Variants in RBMXL1 observed in about 807,000 individuals in gnomAD.
RBMXL1 encodes the protein RNA binding motif protein, X-linked-like-1.
Under a neutral mutation model 29.0 loss-of-function variants are expected in RBMXL1, and 18 were observed. The ratio of observed to expected loss-of-function variants is 0.62; its 90% CI spans 0.43 to 0.92. The LOEUF (loss-of-function observed/expected upper bound fraction) is 0.92. Among genes scored for constraint, RBMXL1 ranks in the 40% least tolerant of loss-of-function variants. The pLI is 0.00. For synonymous variants in RBMXL1, 141 were observed against 170.4 expected (o/e 0.83, Z 1.34); for missense variants, 403 against 495.8 (o/e 0.81, Z 1.78).
Position 88,988,310 on chromosome 1 carries a change from C to T in RBMXL1, c.-299G>A. On this transcript the variant is annotated 5_prime_UTR_variant, in exon 2 of 3. Transcript: ENST00000652648. ...AGAAATTGTCTTCAGGAATTTTGCT[C>T]TACCGCTAAGAGAGCAGAGGCTCCT... 2 of 1,613,730 alleles carry T rather than the reference C, an allele frequency of 1.2e-6. No individual in the cohort carries two copies. The highest frequency in any genetic ancestry group is 2.2e-5 in the South Asian group (2 of 91,014).
chr1:88,982,036 A>C lies in RBMXL1; in HGVS notation c.*618T>G, dbSNP rs1677117152. 3 of 978,644 alleles carry C rather than the reference A, an allele frequency of 3.1e-6. No homozygotes were observed. Among genetic ancestry groups the C allele is most frequent in the Non-Finnish European group, 3.6e-6 (3 of 823,552 alleles). The allele number at this position is 978,644 out of a possible 1,614,324, so 60.6% of individuals were successfully genotyped here. On this transcript the variant is annotated 3_prime_UTR_variant, in exon 3 of 3. Coordinates refer to ENST00000652648, the MANE Select transcript of RBMXL1 (RefSeq NM_001162536.3). ...CACACTTAAATGGTCTTATTGTGGGAGGGGAAAGGGGAGGTTCTTGCAGAT... is the reference window on the plus strand; with the variant it reads ...CACACTTAAATGGTCTTATTGTGGGCGGGGAAAGGGGAGGTTCTTGCAGAT...
At position 88,983,543 on chromosome 1, in the gene RBMXL1, C is replaced by G. The variant is rs1457977645; in HGVS notation, c.284G>C (p.Gly95Ala). 5.6e-6 allele frequency: 9 copies of G among 1,614,090 alleles called. No individual in the cohort carries two copies. Residue 95 changes from glycine (G) to alanine (A), a missense_variant, in exon 3 of 3, where the codon GGA (glycine) becomes GCA (alanine). Coordinates refer to ENST00000652648, the MANE Select transcript of RBMXL1 (RefSeq NM_001162536.3). ...TCTACTTCTTGGAGGTGGGGGCGGT[C>G]CATGTCTACCTCTTTCAAATGATGG... is the stretch of plus-strand genomic sequence containing the variant. ...TKPSFERGRH[G>A]PPPPPRSRGP...
At chr1:88,988,138 A>T in intron 2 of RBMXL1, 114 bp downstream of exon 2, 1 of 659,288 alleles carries the variant, frequency 1.5e-6, no homozygotes, top group Non-Finnish European at 2.6e-6. Flanking sequence ...CAGCATATGT[A>T]ATAGAAATGT....
At chr1:88,988,407 T>C in intron 1 of RBMXL1, 56 bp from the exon 2 acceptor site, 1 of 949,500 alleles carries the variant, frequency 1.1e-6, no homozygotes, top group Admixed American at 2.0e-5. Context: ...GGTACATCAC[T>C]ATCAGACACT....
intron 2 of RBMXL1, 74 bp downstream of exon 2, chr1:88,988,178 A>G: frequency 1.1e-6 from 1 of 901,446 alleles, no homozygotes; most frequent in African/African-American, 1.7e-5. Flanking sequence ...GTAAAAAAGC[A>G]TCTGAAAAAT....
rs554928578 is a variant in RBMXL1, at chr1:88,991,268, A to C, written c.-341+1317T>G. 5.3e-5 allele frequency among the ~76,000 whole-genome samples: 8 copies of C among 152,348 alleles called. No homozygotes were observed. The East Asian group carries it at 1.5e-3, about 29-fold the overall frequency. On this transcript the variant is annotated intron_variant, in intron 1 of 2. Transcript: ENST00000652648. ...GTCAAAATAAATCCTAAGAAACTTA[A>C]AGCTCTAGACTTAAATCCAAATGAT...
rs897333993 is a variant in RBMXL1, at chr1:88,981,291, C to A, written c.*1363G>T. ...TTTCACTTACTGACAAGACACTTCA[C>A]CAGATAGAGCTACCACTTATATCCA... On this transcript the variant is annotated 3_prime_UTR_variant, in exon 3 of 3. Coordinates refer to ENST00000652648, the MANE Select transcript of RBMXL1 (RefSeq NM_001162536.3). 5 of 152,170 alleles carry A rather than the reference C, an allele frequency of 3.3e-5. No homozygotes were observed. Among genetic ancestry groups the A allele is most frequent in the Admixed American group, 1.3e-4 (2 of 15,274 alleles). 9.4% of individuals were successfully genotyped at this position (152,170 alleles called of 1,614,324 possible).
In RBMXL1 at chr1:88,988,380, G is replaced by C. The variant is rs41288373; in HGVS notation, c.-340-29C>G. 9.2e-3 allele frequency: 12,737 copies of C among 1,378,644 alleles called. 100 individuals carry two copies. Among genetic ancestry groups the C allele is most frequent in the South Asian group, 0.024 (2,006 of 85,040 alleles). 85.4% of individuals were successfully genotyped at this position (1,378,644 alleles called of 1,614,324 possible). On this transcript the variant is annotated intron_variant, in intron 1 of 2. Transcript: ENST00000652648. ...TTAAATAAAAGAAAAATTGAGAAGA[G>C]GAATAAATATATGATGGGTACATCA...
At position 88,983,333 on chromosome 1, in the gene RBMXL1, G is replaced by C. The variant is rs1201379634; in HGVS notation, c.494C>G (p.Ser165Cys). The C allele has an allele frequency of 1.2e-6, 2 of 1,614,142 alleles. No individual in the cohort carries two copies. Among genetic ancestry groups the C allele is most frequent in the Non-Finnish European group, 1.7e-6 (2 of 1,180,030 alleles). Reference protein sequence around the residue: ...PRSGGPSPKRSAPSGLVRSSS... With the variant: ...PRSGGPSPKRCAPSGLVRSSS... ...GCTGCGAACTAGTCCTGAAGGTGCA[G>C]ATCTCTTAGGAGAAGGACCCCCACT... Residue 165 changes from serine (S) to cysteine (C), a missense_variant, in exon 3 of 3, where the codon TCT becomes TGT. By Grantham distance (112) the Ser-to-Cys change is moderately radical. Coordinates refer to ENST00000652648, the MANE Select transcript of RBMXL1 (RefSeq NM_001162536.3).
At chr1:88,992,458 C>G (rs905397100) in intron 1 of RBMXL1, 127 bp downstream of exon 1, 1 of 152,824 alleles carries the variant, frequency 6.5e-6, no homozygotes, top group Non-Finnish European at 1.5e-5. Context: ...CAGCCACCCC[C>G]GCAGGCGGCC....
At chr1:88,984,957 CAT>C (rs1488383349) in intron 2 of RBMXL1, among the ~76,000 whole-genome samples, 6 of 152,354 alleles carry the variant, frequency 3.9e-5, no homozygotes, top group Admixed American at 6.5e-5. Flanking sequence ...CTTCATATCA[CAT>C]GAGTGAAATA....
chr1:88,990,365 A>G (rs189730729), intron 1 of RBMXL1, among the ~76,000 whole-genome samples: 10 of 152,168 alleles, frequency 6.6e-5, no homozygotes, highest in East Asian at 1.9e-4. Flanking sequence ...CTTTTCCTCA[A>G]TCTACGCTCC....
intron 2 of RBMXL1, among the ~76,000 whole-genome samples, chr1:88,984,986 G>A (rs1274312733): frequency 1.3e-5 from 2 of 152,170 alleles, no homozygotes; most frequent in Non-Finnish European, 2.9e-5. Context: ...TTTAGCACAT[G>A]TTCATTTTTA....
intron 1 of RBMXL1, among the ~76,000 whole-genome samples, chr1:88,992,155 T>A (rs919701007): frequency 2.6e-5 from 4 of 152,054 alleles, no homozygotes; most frequent in Non-Finnish European, 5.9e-5. Context: ...ATTTTTTGTA[T>A]TTTTAGTACA....
intron 2 of RBMXL1, among the ~76,000 whole-genome samples, chr1:88,986,878 T>C (rs1393743529): frequency 6.6e-6 from 1 of 152,214 alleles, no homozygotes; most frequent in Admixed American, 6.5e-5. Context: ...AGGAAGAATA[T>C]TTATCTTTAT....
At position 88,992,626 on chromosome 1, in the gene RBMXL1, G is replaced by C. The variant is rs1337737080; in HGVS notation, c.-382C>G. Reference sequence around the variant, plus strand: ...CCTCGCCTCCCTAGGCTCGAGTCCCGACTGGGCTTGAGGGCCCGGCTGGGC... The same window carrying C: ...CCTCGCCTCCCTAGGCTCGAGTCCCCACTGGGCTTGAGGGCCCGGCTGGGC... On this transcript the variant is annotated 5_prime_UTR_variant, in exon 1 of 3. Transcript: ENST00000652648. 1 of 152,872 alleles carries C rather than the reference G, an allele frequency of 6.5e-6. No individual in the cohort carries two copies. The highest frequency in any genetic ancestry group is 1.5e-5 in the Non-Finnish European group (1 of 68,452). 9.5% of individuals were successfully genotyped at this position (152,872 alleles called of 1,614,324 possible). A position where few individuals can be genotyped will look rare whatever the true frequency, so the allele number is the denominator to read the frequency against.
At position 88,983,713 on chromosome 1, in the gene RBMXL1, G is replaced by C. The variant is rs1378555462; in HGVS notation, c.114C>G (p.Leu38=). ...TGTTGGTTTCACGGTCTTTTATCAA[G>C]AGTACTTCCACTATTCGTCCATATT... ...FGKYGRIVEV[L]LIKDRETNKS... The change falls in exon 3 of 3, where the codon CTC becomes CTG. Residue 38 remains leucine, a synonymous_variant. Transcript: ENST00000652648. 1 of 1,613,968 alleles carries C rather than the reference G, an allele frequency of 6.2e-7. No individual in the cohort carries two copies. Among genetic ancestry groups the C allele is most frequent in the East Asian group, 2.2e-5 (1 of 44,888 alleles).
intron 1 of RBMXL1, among the ~76,000 whole-genome samples, chr1:88,991,586 C>A (rs527370625): frequency 2.0e-5 from 3 of 152,178 alleles, no homozygotes; most frequent in African/African-American, 7.2e-5. Flanking sequence ...TGGAAGGATG[C>A]GCTTCAAAGC....
chr1:88,984,502 G>A (rs1022872267), intron 2 of RBMXL1, among the ~76,000 whole-genome samples: 5 of 152,160 alleles, frequency 3.3e-5, no homozygotes, highest in African/African-American at 1.2e-4. Context: ...GAGCTACCAC[G>A]GCTGGCCTTA....
Sources: gnomAD v4.1 joint callset for allele counts (sites outside exome capture counted in the v4.1 genomes callset) on GRCh38, gnomAD v4.1.1 for gene constraint, MANE v1.5 for transcripts, NCBI Gene and HGNC (gene_info 2026-07-23, HGNC 2026-07-21) for gene names.